SEMA3D: variants seen among roughly 807,000 people sequenced by gnomAD.
SEMA3D encodes the protein semaphorin-3D.
SEMA3D carries 84 observed loss-of-function variants against 100.1 expected under a neutral mutation model. The ratio of observed to expected loss-of-function variants is 0.84; its 90% CI spans 0.70 to 1.01. The LOEUF is 1.01. Ranked by LOEUF, SEMA3D falls within the 50% of genes least tolerant of loss-of-function variation. The pLI, the probability that SEMA3D is intolerant of heterozygous loss-of-function variation, is 0.00. For missense variants in SEMA3D, 875 were observed against 934.1 expected (o/e 0.94, Z 0.82); for synonymous variants, 312 against 320.7 (o/e 0.97, Z 0.29).
chr7:85,168,742 A>G (rs1790984442), intron 1 of SEMA3D, among the ~76,000 whole-genome samples: 1 of 149,292 alleles, frequency 6.7e-6, no homozygotes, highest in Non-Finnish European at 1.5e-5. Flanking sequence ...AATTATATAT[A>G]TATCTGTGTG....
the SEMA3D span, among the ~76,000 whole-genome samples, chr7:85,198,680 T>C: frequency 1.3e-5 from 2 of 151,870 alleles, no homozygotes; most frequent in African/African-American, 2.4e-5. Context: ...TTGTAATTTA[T>C]TAGGTTTATG....
chr7:85,146,925 G>A (rs2116477342), intron 2 of SEMA3D, among the ~76,000 whole-genome samples: 1 of 152,084 alleles, frequency 6.6e-6, no homozygotes, highest in East Asian at 1.9e-4. Context: ...AAGAAAGAAT[G>A]TTGGTACAGC....
chr7:85,140,757 A>G (rs891949679), intron 2 of SEMA3D: 36 of 973,646 alleles, frequency 3.7e-5, no homozygotes, highest in Admixed American at 1.2e-4. Context: ...TGGCCTAATA[A>G]TGAATGAATT....
At chr7:85,107,875 TA>T (rs1429940497) in intron 3 of SEMA3D, among the ~76,000 whole-genome samples, 2 of 152,028 alleles carry the variant, frequency 1.3e-5, no homozygotes, top group Non-Finnish European at 2.9e-5. Context: ...ACTACTTCTC[TA>T]AATTACTGTA....
the SEMA3D span, among the ~76,000 whole-genome samples, chr7:85,193,830 C>T: frequency 6.6e-6 from 1 of 151,196 alleles, no homozygotes; most frequent in Non-Finnish European, 1.5e-5. Context: ...GTATATCATG[C>T]CCATCTTTCA....
intron 1 of SEMA3D, among the ~76,000 whole-genome samples, chr7:85,165,163 T>C (rs939697110): frequency 6.6e-6 from 1 of 151,880 alleles, no homozygotes; most frequent in Non-Finnish European, 1.5e-5. Context: ...CATGTATACA[T>C]GTGTAACGAA....
At chr7:85,065,634 A>G in intron 7 of SEMA3D, 82 bp from the exon 8 acceptor site, 1 of 1,006,996 alleles carries the variant, frequency 9.9e-7, no homozygotes, top group Admixed American at 2.1e-5. Context: ...TCACAGCATG[A>G]CACCAAAGAT....
intron 9 of SEMA3D, among the ~76,000 whole-genome samples, chr7:85,054,874 T>C (rs924086811): frequency 6.6e-6 from 1 of 152,044 alleles, no homozygotes. Context: ...AAAAATAATA[T>C]ACTGAAGTTA....
chr7:85,170,853 T>C (rs1396705632), intron 1 of SEMA3D, among the ~76,000 whole-genome samples: 2 of 152,034 alleles, frequency 1.3e-5, no homozygotes, highest in African/African-American at 4.8e-5. Flanking sequence ...CAATAGAACA[T>C]GCTTAATATA....
At chr7:85,062,612 A>G (rs1791508001) in intron 8 of SEMA3D, among the ~76,000 whole-genome samples, 1 of 152,222 alleles carries the variant, frequency 6.6e-6, no homozygotes, top group Non-Finnish European at 1.5e-5. Context: ...AACATTCACA[A>G]GATTTTAGAC....
intron 18 of SEMA3D, among the ~76,000 whole-genome samples, chr7:85,004,507 A>G (rs1197574784): frequency 6.6e-6 from 1 of 152,080 alleles, no homozygotes; most frequent in Non-Finnish European, 1.5e-5. Context: ...AATTTTAAGA[A>G]CAGTTTTATA....
At chr7:85,232,409 T>C in the SEMA3D span, among the ~76,000 whole-genome samples, 2 of 152,196 alleles carry the variant, frequency 1.3e-5, no homozygotes, top group African/African-American at 4.8e-5. Context: ...TCAGGATATT[T>C]GTAAGAACCT....
chr7:85,144,634 T>C, intron 2 of SEMA3D: 1 of 984,972 alleles, frequency 1.0e-6, no homozygotes, highest in Non-Finnish European at 1.2e-6. Context: ...TTTTTTCCTT[T>C]GGGAACTGGC....
At chr7:85,067,280 A>G (rs1791654997) in intron 7 of SEMA3D, among the ~76,000 whole-genome samples, 1 of 152,110 alleles carries the variant, frequency 6.6e-6, no homozygotes, top group South Asian at 2.1e-4. Flanking sequence ...CCGCCAATCT[A>G]TTGTTTTGTT....
At chr7:85,222,949 T>C in the SEMA3D span, among the ~76,000 whole-genome samples, 23,215 of 151,942 alleles carry the variant, frequency 0.15, 4,114 homozygotes, top group African/African-American at 0.43. Flanking sequence ...AACAAACGAA[T>C]TGGTAAGCAA....
chr7:85,177,338 T>A (rs1274107417), intron 1 of SEMA3D, among the ~76,000 whole-genome samples: 1 of 152,176 alleles, frequency 6.6e-6, no homozygotes, highest in African/African-American at 2.4e-5. Context: ...GGGTATAATT[T>A]AATATTCAAA....
intron 1 of SEMA3D, among the ~76,000 whole-genome samples, chr7:85,158,406 C>T (rs1015233120): frequency 3.3e-5 from 5 of 152,114 alleles, no homozygotes; most frequent in Non-Finnish European, 7.4e-5. Flanking sequence ...ATGAAATAAG[C>T]CCCGGTCTCC....
chr7:85,134,211 CA>C (rs1414968696), intron 2 of SEMA3D, among the ~76,000 whole-genome samples: 1 of 151,688 alleles, frequency 6.6e-6, no homozygotes, highest in Non-Finnish European at 1.5e-5. Flanking sequence ...TTAGACTATA[CA>C]AAATAAAAGG....
intron 1 of SEMA3D, among the ~76,000 whole-genome samples, chr7:85,175,245 G>A (rs1414803037): frequency 3.3e-5 from 5 of 152,116 alleles, no homozygotes; most frequent in African/African-American, 1.2e-4. Context: ...ACTAGTTCCT[G>A]AAATATGAAA....
Sources: gnomAD v4.1 joint callset for allele counts (sites outside exome capture counted in the v4.1 genomes callset) on GRCh38, gnomAD v4.1.1 for gene constraint, MANE v1.5 for transcripts, NCBI Gene and HGNC (gene_info 2026-07-23, HGNC 2026-07-21) for gene names.